TRAT1: variants seen among roughly 807,000 people sequenced by gnomAD.
TRAT1 encodes the protein T-cell receptor-associated transmembrane adapter 1.
A neutral mutation model predicts 20.0 loss-of-function variants in TRAT1; 20 were observed. The ratio of observed to expected loss-of-function variants is 1.00; its 90% CI spans 0.70 to 1.45. The LOEUF (loss-of-function observed/expected upper bound fraction) is 1.45, where lower values mean the gene tolerates loss of function less well. Among genes scored for constraint, TRAT1 ranks in the 40% most tolerant of loss-of-function variants. The probability of loss-of-function intolerance (pLI) is 0.00; values close to 1 mark genes in which losing one functional copy is unlikely to be tolerated. For synonymous variants in TRAT1, 77 were observed against 74.2 expected (o/e 1.04, Z -0.20); for missense variants, 237 against 224.1 (o/e 1.06, Z -0.37).
intron 3 of TRAT1, 165 bp downstream of exon 3, chr3:108,839,132 CATT>C: frequency 1.7e-6 from 1 of 602,788 alleles, no homozygotes; most frequent in Middle Eastern, 4.0e-4. Context: ...GAAGCTATAA[CATT>C]ATTATCTGTC....
intron 3 of TRAT1, among the ~76,000 whole-genome samples, chr3:108,845,307 A>G (rs977758960): frequency 6.6e-6 from 1 of 152,208 alleles, no homozygotes; most frequent in African/African-American, 2.4e-5. Flanking sequence ...ATTTTCATTC[A>G]TAGGGAATAA....
intron 5 of TRAT1, among the ~76,000 whole-genome samples, chr3:108,851,591 C>T (rs1425379654): frequency 1.7e-4 from 25 of 150,074 alleles, no homozygotes; most frequent in Non-Finnish European, 1.8e-4. Context: ...TGAATCATTA[C>T]TATTTGCCTA....
intron 4 of TRAT1, among the ~76,000 whole-genome samples, chr3:108,848,424 CAG>C: frequency 6.6e-6 from 1 of 152,340 alleles, no homozygotes; most frequent in East Asian, 1.9e-4. Context: ...ACACTTCTGT[CAG>C]GTTACTGGCC....
rs144742065 is a variant in TRAT1, at chr3:108,850,151, A to T, written c.303+897A>T. ...CAAAGGATGAAAACTTGCCCAGAAC[A>T]CTTAGGTACTAAGTAAGTAGACAGA... On this transcript the variant is annotated intron_variant, in intron 5 of 5. Coordinates refer to ENST00000295756, the MANE Select transcript of TRAT1 (RefSeq NM_016388.4). Among the ~76,000 whole-genome samples, 9 of 152,254 alleles carry T rather than the reference A, an allele frequency of 5.9e-5. No individual in the cohort carries two copies. The East Asian group carries it at 1.5e-3, about 26-fold the overall frequency.
At position 108,840,909 on chromosome 3, in the gene TRAT1, C is replaced by T. The variant is rs149162572; in HGVS notation, c.152+1942C>T. Reference sequence around the variant, plus strand: ...GTGGATGGAAACTCATCTTCCTGTTCCCCACCTGCACTGCAGCTGAAGGAC... The same window carrying T: ...GTGGATGGAAACTCATCTTCCTGTTTCCCACCTGCACTGCAGCTGAAGGAC... On this transcript the variant is annotated intron_variant, in intron 3 of 5. Transcript: ENST00000295756. Among the ~76,000 whole-genome samples the T allele has an allele frequency of 6.7e-3, 1,023 of 152,360 alleles. 19 individuals are homozygous for T. The highest frequency in any genetic ancestry group is 0.023 in the African/African-American group (941 of 41,594).
intron 2 of TRAT1, among the ~76,000 whole-genome samples, chr3:108,832,036 A>G (rs1945799047): frequency 6.6e-6 from 1 of 152,222 alleles, no homozygotes; most frequent in South Asian, 2.1e-4. Context: ...ATTGCAGCAA[A>G]TGTCCTTGCT....
rs145156132 is a variant in TRAT1, at chr3:108,830,560, T to G, written c.8-110T>G. On this transcript the variant is annotated intron_variant, in intron 1 of 5. Transcript: ENST00000295756. Reference sequence around the variant, plus strand: ...TATTAATTAGTTTCCCGGTAGAGACTGTGTACTTCATTATGAATAAATGCA... The same window carrying G: ...TATTAATTAGTTTCCCGGTAGAGACGGTGTACTTCATTATGAATAAATGCA... 195 of 721,496 alleles carry G rather than the reference T, an allele frequency of 2.7e-4. No homozygotes were observed. In the African/African-American group the frequency reaches 2.7e-3, roughly 10 times the overall value. 44.7% of individuals were successfully genotyped at this position (721,496 alleles called of 1,614,324 possible).
intron 5 of TRAT1, among the ~76,000 whole-genome samples, chr3:108,851,104 T>G (rs1314889640): frequency 6.6e-6 from 1 of 152,244 alleles, no homozygotes; most frequent in East Asian, 1.9e-4. Context: ...CAGTGTTTAT[T>G]ATCATAAAAA....
intron 2 of TRAT1, among the ~76,000 whole-genome samples, chr3:108,833,799 T>TACACACACACACAC (rs3054303): frequency 3.5e-4 from 52 of 146,744 alleles, no homozygotes; most frequent in South Asian, 1.3e-3. Context: ...TTGTAAGAAT[T>TACACACACACACAC]ACACACACAC....
At chr3:108,827,749 A>G (rs1945754674) in intron 1 of TRAT1, among the ~76,000 whole-genome samples, 1 of 152,134 alleles carries the variant, frequency 6.6e-6, no homozygotes, top group African/African-American at 2.4e-5. Context: ...ATTGTGTTTT[A>G]AAAGGCCTCC....
chr3:108,830,843 A>C (rs1945786124), intron 2 of TRAT1, 63 bp downstream of exon 2: 1 of 1,008,168 alleles, frequency 9.9e-7, no homozygotes, highest in Non-Finnish European at 1.6e-6. Flanking sequence ...AGTCACTGGA[A>C]AACCTATGGA....
rs71103493 is a variant in TRAT1, at chr3:108,827,384, A to ATGTGTGTGTGTG, written c.8-3260_8-3249dup. On this transcript the variant is annotated intron_variant, in intron 1 of 5. Coordinates refer to ENST00000295756, the MANE Select transcript of TRAT1 (RefSeq NM_016388.4). ...AAGGGGAGGTATAAAGTATGTGTGT[A>ATGTGTGTGTGTG]TGTGTGTGTGTGTGTGTGTGTGTGT... is the stretch of plus-strand genomic sequence containing the variant. 1.2e-4 allele frequency among the ~76,000 whole-genome samples: 17 copies of ATGTGTGTGTGTG among 145,216 alleles called. 1 individual carries two copies. Among genetic ancestry groups the ATGTGTGTGTGTG allele is most frequent in the African/African-American group, 4.4e-4 (17 of 39,070 alleles).
rs2290055 is a variant in TRAT1 at position 108,830,873 on chromosome 3, T to G, written c.118+93T>G. 0.27 allele frequency: 208,264 copies of G among 785,570 alleles called. 32,588 individuals carry two copies. Among genetic ancestry groups the G allele is most frequent in the East Asian group, 0.63 (25,648 of 40,670 alleles). 48.7% of individuals were successfully genotyped at this position (785,570 alleles called of 1,614,324 possible). On this transcript the variant is annotated intron_variant, in intron 2 of 5. Coordinates refer to ENST00000295756, the MANE Select transcript of TRAT1 (RefSeq NM_016388.4). ...TATGGAAGCAGACAATTTTATGAAATGTCATTCAACAGGATATTTTTATCT... is the reference window on the plus strand; with the variant it reads ...TATGGAAGCAGACAATTTTATGAAAGGTCATTCAACAGGATATTTTTATCT...
intron 1 of TRAT1, among the ~76,000 whole-genome samples, chr3:108,823,538 T>C (rs1945710924): frequency 6.6e-6 from 1 of 152,206 alleles, no homozygotes; most frequent in Non-Finnish European, 1.5e-5. Context: ...TAAATAAACA[T>C]CTTTTTGTTG....
chr3:108,847,595 GA>G (rs1433817070), intron 4 of TRAT1, among the ~76,000 whole-genome samples: 1 of 152,174 alleles, frequency 6.6e-6, no homozygotes, highest in Non-Finnish European at 1.5e-5. Context: ...GTGGGAGAAA[GA>G]GGAACTAAAT....
chr3:108,849,377 C>A, intron 5 of TRAT1, 123 bp downstream of exon 5: 1 of 719,214 alleles, frequency 1.4e-6, no homozygotes, highest in Non-Finnish European at 2.3e-6. Context: ...AGTTCTGGGA[C>A]CTGAGCTCTA....
intron 3 of TRAT1, among the ~76,000 whole-genome samples, chr3:108,845,229 T>C (rs1198842957): frequency 5.9e-5 from 9 of 152,210 alleles, no homozygotes; most frequent in Non-Finnish European, 1.0e-4. Flanking sequence ...AATAATAGTT[T>C]ATTTGAGATG....
intron 1 of TRAT1, among the ~76,000 whole-genome samples, chr3:108,829,586 A>AAAACACACACACACACAC (rs1945772052): frequency 7.0e-6 from 1 of 142,474 alleles, no homozygotes; most frequent in Non-Finnish European, 1.5e-5. Context: ...TCCATCTCAA[A>AAAACACACACACACACAC]ACACACACAC....
chr3:108,832,994 A>G (rs1278664903), intron 2 of TRAT1, among the ~76,000 whole-genome samples: 1 of 152,120 alleles, frequency 6.6e-6, no homozygotes, highest in Non-Finnish European at 1.5e-5. Flanking sequence ...TACAATTCTC[A>G]TTTTTGGTAG....
Sources: allele counts gnomAD v4.1 joint callset (sites outside exome capture counted in the v4.1 genomes callset), GRCh38; gene constraint gnomAD v4.1.1; transcripts MANE v1.5; gene names NCBI Gene and HGNC (gene_info 2026-07-23, HGNC 2026-07-21).